Variants in ZNF566 observed in about 807,000 individuals in gnomAD.
The protein encoded by ZNF566 is zinc finger protein 566.
Under a neutral mutation model 32.8 loss-of-function variants are expected in ZNF566, and 27 were observed. The observed-to-expected ratio is 0.82, with a 90% CI of 0.61 to 1.14. The LOEUF is 1.14. Among genes scored for constraint, ZNF566 ranks in the 50% most tolerant of loss-of-function variants. The probability of loss-of-function intolerance (pLI) is 0.00; values close to 1 mark genes in which losing one functional copy is unlikely to be tolerated. For synonymous variants in ZNF566, 154 were observed against 159.5 expected, an observed-to-expected ratio of 0.97 and a Z score of 0.26; for missense variants, 402 against 490.4, an observed-to-expected ratio of 0.82 and a Z score of 1.70.
At chr19:36,481,533 C>T (rs968637264) in intron 1 of ZNF566, among the ~76,000 whole-genome samples, 7 of 147,328 alleles carry the variant, frequency 4.8e-5, no homozygotes, top group African/African-American at 1.8e-4. Context: ...ATCTATTAGA[C>T]TGGTGAAAAC....
At chr19:36,453,395 C>A (rs983032512) in intron 4 of ZNF566, among the ~76,000 whole-genome samples, 7 of 151,196 alleles carry the variant, frequency 4.6e-5, no homozygotes, top group African/African-American at 1.7e-4. Context: ...ATCACTTGAA[C>A]CCAGGAGGCA....
At chr19:36,464,604 A>G (rs776835879) in intron 4 of ZNF566, among the ~76,000 whole-genome samples, 1 of 152,190 alleles carries the variant, frequency 6.6e-6, no homozygotes, top group Non-Finnish European at 1.5e-5. Flanking sequence ...AACATGGCAA[A>G]ACCCTGTCTC....
chr19:36,447,840 C>T lies in ZNF566; in HGVS notation c.*1137G>A, dbSNP rs1290376022. 1 of 152,086 alleles carries T rather than the reference C, an allele frequency of 6.6e-6. No individual in the cohort carries two copies. The highest frequency in any genetic ancestry group is 1.9e-4 in the East Asian group (1 of 5,192). 9.4% of individuals were successfully genotyped at this position (152,086 alleles called of 1,614,324 possible). A position where few individuals can be genotyped will look rare whatever the true frequency, so the allele number is the denominator to read the frequency against. The stretch of plus-strand genomic sequence containing the variant: ...TCTTAACTTGTTACCTTCAAAGGGT[C>T]TTTCTTCAGTCAAACACCCTGCCTA... On this transcript the variant is annotated 3_prime_UTR_variant, in exon 5 of 5. Transcript: ENST00000452939.
chr19:36,484,951 GT>G (rs1263940884), intron 1 of ZNF566, among the ~76,000 whole-genome samples: 2 of 152,092 alleles, frequency 1.3e-5, no homozygotes, highest in African/African-American at 2.4e-5. Context: ...GGGAAAAACA[GT>G]GATTTTACAG....
chr19:36,460,851 G>A (rs1013556629), intron 4 of ZNF566, among the ~76,000 whole-genome samples: 17 of 152,128 alleles, frequency 1.1e-4, no homozygotes, highest in African/African-American at 3.1e-4. Flanking sequence ...ACAATGATTT[G>A]AATGACTGGA....
chr19:36,460,251 G>T (rs1025057794), intron 4 of ZNF566, among the ~76,000 whole-genome samples: 1 of 152,100 alleles, frequency 6.6e-6, no homozygotes, highest in Non-Finnish European at 1.5e-5. Flanking sequence ...AAATAAAGGT[G>T]ACTCATGTTG....
At chr19:36,482,272 A>C (rs1159551386) in intron 1 of ZNF566, among the ~76,000 whole-genome samples, 4 of 152,034 alleles carry the variant, frequency 2.6e-5, no homozygotes, top group Non-Finnish European at 5.9e-5. Flanking sequence ...CGCCCGGCTA[A>C]TTTTTTGTAT....
chr19:36,478,877 A>T (rs1014534600), intron 1 of ZNF566, among the ~76,000 whole-genome samples: 3 of 152,248 alleles, frequency 2.0e-5, no homozygotes, highest in African/African-American at 7.2e-5. Flanking sequence ...GCAATGGATT[A>T]TCCAGGCTCA....
intron 4 of ZNF566, among the ~76,000 whole-genome samples, chr19:36,470,539 T>C (rs1334392960): frequency 6.6e-6 from 1 of 152,190 alleles, no homozygotes; most frequent in East Asian, 1.9e-4. Context: ...ACCAGACTAC[T>C]ACAAAAACCT....
intron 4 of ZNF566, among the ~76,000 whole-genome samples, chr19:36,459,790 C>G (rs902894876): frequency 4.7e-5 from 7 of 150,532 alleles, no homozygotes; most frequent in African/African-American, 1.5e-4. Context: ...GGATTACAGT[C>G]GTGAGCCACC....
Position 36,476,565 on chromosome 19 carries a change from A to C in ZNF566, c.-8T>G. 1 of 1,613,644 alleles carries C rather than the reference A, an allele frequency of 6.2e-7. No homozygotes were observed. Among genetic ancestry groups the C allele is most frequent in the Non-Finnish European group, 8.5e-7 (1 of 1,179,768 alleles). ...GTATCTCACCTGAGCCATGGCTCTG[A>C]TATTTGTAGAAAAGGACCTTCTCTT... On this transcript the variant is annotated 5_prime_UTR_variant, in exon 2 of 5. Transcript: ENST00000452939.
rs2032966329 is a variant in ZNF566 at position 36,445,296 on chromosome 19, G to A, written c.*3681C>T. On this transcript the variant is annotated 3_prime_UTR_variant, in exon 5 of 5. Coordinates refer to ENST00000452939, the MANE Select transcript of ZNF566 (RefSeq NM_001145344.1). Reference sequence around the variant, plus strand: ...AACTGATAGTATTTTAATTCAGTAGGAGAAAGGTGAATAATAGTTACTTCT... The same window carrying A: ...AACTGATAGTATTTTAATTCAGTAGAAGAAAGGTGAATAATAGTTACTTCT... 6.6e-6 allele frequency: 1 copy of A among 152,150 alleles called. No individual in the cohort carries two copies. The highest frequency in any genetic ancestry group is 2.1e-4 in the South Asian group (1 of 4,830). 9.4% of individuals were successfully genotyped at this position (152,150 alleles called of 1,614,324 possible).
intron 1 of ZNF566, among the ~76,000 whole-genome samples, chr19:36,478,672 T>G (rs996975116): frequency 6.6e-6 from 1 of 151,806 alleles, no homozygotes; most frequent in African/African-American, 2.4e-5. Flanking sequence ...CTCAACTTGA[T>G]GAGTAGCATC....
chr19:36,483,507 G>C (rs367777255), intron 1 of ZNF566, among the ~76,000 whole-genome samples: 2 of 152,194 alleles, frequency 1.3e-5, no homozygotes, highest in Admixed American at 6.5e-5. Context: ...AGCGGGGTTG[G>C]GGGGAAGCTT....
chr19:36,487,229 A>T (rs954153985), intron 1 of ZNF566, among the ~76,000 whole-genome samples: 2 of 152,188 alleles, frequency 1.3e-5, no homozygotes, highest in Non-Finnish European at 2.9e-5. Flanking sequence ...AGCAACTGGA[A>T]CTCTCATACA....
intron 4 of ZNF566, among the ~76,000 whole-genome samples, chr19:36,450,346 TTA>T (rs1459824558): frequency 6.6e-6 from 1 of 152,144 alleles, no homozygotes; most frequent in African/African-American, 2.4e-5. Flanking sequence ...ATAGTATGAA[TTA>T]TAAAATAAGG....
chr19:36,457,230 C>T (rs1302015275), intron 4 of ZNF566, among the ~76,000 whole-genome samples: 3 of 152,148 alleles, frequency 2.0e-5, no homozygotes, highest in Non-Finnish European at 4.4e-5. Context: ...CTATTGCATA[C>T]ATATACGAAA....
chr19:36,487,678 TG>T (rs981339305), intron 1 of ZNF566, among the ~76,000 whole-genome samples: 19 of 152,020 alleles, frequency 1.2e-4, no homozygotes, highest in Non-Finnish European at 2.5e-4. Context: ...GAGGCCAAGG[TG>T]GGCGGATCAC....
At chr19:36,482,322 G>A (rs2034055743) in intron 1 of ZNF566, among the ~76,000 whole-genome samples, 2 of 152,110 alleles carry the variant, frequency 1.3e-5, no homozygotes, top group African/African-American at 2.4e-5. Flanking sequence ...AGCCAGGATG[G>A]TCTTGATCTC....
Sources: gnomAD v4.1 joint callset for allele counts (sites outside exome capture counted in the v4.1 genomes callset) on GRCh38, gnomAD v4.1.1 for gene constraint, MANE v1.5 for transcripts, NCBI Gene and HGNC (gene_info 2026-07-23, HGNC 2026-07-21) for gene names.